The following SH3BGRL2 variants were observed in gnomAD, a reference collection of about 807,000 sequenced individuals.
SH3BGRL2 encodes SH3 domain binding glutamate rich protein like 2.
In SH3BGRL2, 21 loss-of-function variants were observed where a neutral mutation model predicts 14.8. That is an observed-to-expected ratio of 1.42 (90% CI 1.01 to 2.05). The LOEUF (loss-of-function observed/expected upper bound fraction) is 2.05, where lower values mean the gene tolerates loss of function less well. Among genes scored for constraint, SH3BGRL2 ranks in the 30% most tolerant of loss-of-function variants. The pLI, the probability that SH3BGRL2 is intolerant of heterozygous loss-of-function variation, is 0.00. For missense variants in SH3BGRL2, 147 were observed against 130.8 expected (o/e 1.12, Z -0.61); for synonymous variants, 50 against 47.8 (o/e 1.05, Z -0.19).
At chr6:79,538,609 C>A in the SH3BGRL2 span, among the ~76,000 whole-genome samples, 1 of 152,006 alleles carries the variant, frequency 6.6e-6, no homozygotes, top group African/African-American at 2.4e-5. Flanking sequence ...ATAGCTCACT[C>A]GTTATTATGG....
At chr6:79,640,146 G>A (rs1010980057) in intron 1 of SH3BGRL2, among the ~76,000 whole-genome samples, 3 of 152,124 alleles carry the variant, frequency 2.0e-5, no homozygotes, top group Non-Finnish European at 2.9e-5. Flanking sequence ...AGTAGGGCAG[G>A]AGGGGAGGAG....
chr6:79,594,409 T>C, the SH3BGRL2 span, among the ~76,000 whole-genome samples: 2 of 152,208 alleles, frequency 1.3e-5, no homozygotes, highest in Non-Finnish European at 2.9e-5. Context: ...ATTAATTCTC[T>C]TGTGAATCTG....
At chr6:79,627,731 G>A (rs1229821871), upstream of SH3BGRL2, among the ~76,000 whole-genome samples, 1 of 152,028 alleles carries the variant, frequency 6.6e-6, no homozygotes, top group African/African-American at 2.4e-5. Flanking sequence ...ATTCTTAAGT[G>A]TAGGAGATCT....
intron 1 of SH3BGRL2, among the ~76,000 whole-genome samples, chr6:79,659,268 T>G (rs1202084489): frequency 3.3e-5 from 5 of 152,234 alleles, no homozygotes; most frequent in Non-Finnish European, 7.3e-5. Context: ...TTTATGGTTT[T>G]AGGTCTAACA....
At chr6:79,688,105 C>T (rs1770137570) in intron 2 of SH3BGRL2, among the ~76,000 whole-genome samples, 10 of 151,936 alleles carry the variant, frequency 6.6e-5, no homozygotes, top group Admixed American at 6.6e-4. Flanking sequence ...CTGTTGTTAA[C>T]TCTACCTGTT....
At chr6:79,696,269 A>T (rs1399983002) in intron 2 of SH3BGRL2, among the ~76,000 whole-genome samples, 1 of 152,206 alleles carries the variant, frequency 6.6e-6, no homozygotes, top group Non-Finnish European at 1.5e-5. Flanking sequence ...TAATCTTGTC[A>T]TAGGTTTTGG....
At chr6:79,648,622 C>T (rs1362148069) in intron 1 of SH3BGRL2, among the ~76,000 whole-genome samples, 1 of 151,796 alleles carries the variant, frequency 6.6e-6, no homozygotes, top group Non-Finnish European at 1.5e-5. Flanking sequence ...TCTTTGAGTT[C>T]TTAGTTCTTC....
In SH3BGRL2 at chr6:79,702,225, A is replaced by G. The variant is rs1770473305; in HGVS notation, c.*2716A>G. On this transcript the variant is annotated 3_prime_UTR_variant, in exon 4 of 4. Transcript: ENST00000369838. The stretch of plus-strand genomic sequence containing the variant: ...GATTTAATTCAATACCTCCACATAG[A>G]TGTTTTTATATTACATGAATTTAAT... The G allele has an allele frequency of 6.6e-6, 1 of 152,632 alleles. No individual in the cohort carries two copies. The highest frequency in any genetic ancestry group is 2.4e-5 in the African/African-American group (1 of 41,452). The allele number at this position is 152,632 out of a possible 1,614,324, so 9.5% of individuals were successfully genotyped here.
At chr6:79,618,811 C>T in the SH3BGRL2 span, among the ~76,000 whole-genome samples, 3,588 of 148,798 alleles carry the variant, frequency 0.024, 146 homozygotes, top group East Asian at 0.13. Flanking sequence ...ACCAGCTACT[C>T]GGGAGGCTGA....
At chr6:79,687,834 G>A (rs534258563) in intron 2 of SH3BGRL2, among the ~76,000 whole-genome samples, 1 of 152,202 alleles carries the variant, frequency 6.6e-6, no homozygotes, top group South Asian at 2.1e-4. Flanking sequence ...CCTTGTTTTT[G>A]TTCCCTCCAG....
At chr6:79,649,429 A>T (rs1769235845) in intron 1 of SH3BGRL2, among the ~76,000 whole-genome samples, 1 of 152,144 alleles carries the variant, frequency 6.6e-6, no homozygotes, top group East Asian at 1.9e-4. Context: ...TATAATAATA[A>T]ATTTGTGTTT....
At position 79,660,041 on chromosome 6, in the gene SH3BGRL2, T is replaced by G. The variant is rs1213152698; in HGVS notation, c.46-13573T>G. Reference sequence around the variant, plus strand: ...TTATCAGCTTAAGGAGATTTTGGGCTGAGACGATGGGGTTTTCTAAATATA... The same window carrying G: ...TTATCAGCTTAAGGAGATTTTGGGCGGAGACGATGGGGTTTTCTAAATATA... On this transcript the variant is annotated intron_variant, in intron 1 of 3. Coordinates refer to ENST00000369838, the MANE Select transcript of SH3BGRL2 (RefSeq NM_031469.4). Among the ~76,000 whole-genome samples, 3 of 152,356 alleles carry G rather than the reference T, an allele frequency of 2.0e-5. No individual in the cohort carries two copies. The East Asian group carries it at 5.8e-4, about 29-fold the overall frequency.
At chr6:79,577,002 A>G in the SH3BGRL2 span, among the ~76,000 whole-genome samples, 2 of 152,226 alleles carry the variant, frequency 1.3e-5, no homozygotes, top group Non-Finnish European at 2.9e-5. Flanking sequence ...TTATAAATTT[A>G]GTATCCATTT....
chr6:79,680,323 C>T (rs1268001139), intron 2 of SH3BGRL2, among the ~76,000 whole-genome samples: 1 of 152,116 alleles, frequency 6.6e-6, no homozygotes, highest in Admixed American at 6.5e-5. Flanking sequence ...TTTCCCAATA[C>T]TGTTGAAGAG....
At chr6:79,662,781 A>C (rs1769579025) in intron 1 of SH3BGRL2, among the ~76,000 whole-genome samples, 1 of 152,108 alleles carries the variant, frequency 6.6e-6, no homozygotes, top group South Asian at 2.1e-4. Flanking sequence ...TTTCAGGTAC[A>C]CCAATCAAAC....
intron 1 of SH3BGRL2, among the ~76,000 whole-genome samples, chr6:79,649,929 G>A (rs1769248306): frequency 6.6e-6 from 1 of 151,274 alleles, no homozygotes; most frequent in Non-Finnish European, 1.5e-5. Flanking sequence ...CCTTTTTAAA[G>A]GGTTTTGTTT....
chr6:79,644,246 C>T (rs1364164220), intron 1 of SH3BGRL2, among the ~76,000 whole-genome samples: 1 of 152,046 alleles, frequency 6.6e-6, no homozygotes, highest in Non-Finnish European at 1.5e-5. Flanking sequence ...TATATTGCAG[C>T]CTACTGAGGG....
chr6:79,590,424 G>GATTGATATATATATATATATATAT, the SH3BGRL2 span, among the ~76,000 whole-genome samples: 2 of 66,666 alleles, frequency 3.0e-5, no homozygotes, highest in African/African-American at 1.4e-4. Flanking sequence ...AAGAAAATGT[G>GATTGATATATATATATATATATAT]ATATATATAT....
the SH3BGRL2 span, among the ~76,000 whole-genome samples, chr6:79,613,604 G>A: frequency 6.6e-6 from 1 of 152,036 alleles, no homozygotes; most frequent in Non-Finnish European, 1.5e-5. Flanking sequence ...CTCCTGAAAA[G>A]GAACTCTTTT....
Sources: gnomAD v4.1 joint callset for allele counts (sites outside exome capture counted in the v4.1 genomes callset) on GRCh38, gnomAD v4.1.1 for gene constraint, MANE v1.5 for transcripts, NCBI Gene and HGNC (gene_info 2026-07-23, HGNC 2026-07-21) for gene names.